The following MBNL2 variants were observed in gnomAD, a reference collection of about 807,000 sequenced individuals.
The protein encoded by MBNL2 is muscleblind-like protein 2.
A neutral mutation model predicts 41.9 loss-of-function variants in MBNL2; 17 were observed. The ratio of observed to expected loss-of-function variants is 0.41; its 90% confidence interval spans 0.28 to 0.61. The LOEUF is 0.61. Among genes scored for constraint, MBNL2 ranks in the 20% least tolerant of loss-of-function variants. MBNL2 has a pLI of 0.35. For missense variants in MBNL2, 336 were observed against 505.6 expected (o/e 0.66, Z 3.22); for synonymous variants, 195 against 182.9 (o/e 1.07, Z -0.53).
At chr13:97,267,187 C>T (rs1184616243) in intron 1 of MBNL2, among the ~76,000 whole-genome samples, 1 of 152,180 alleles carries the variant, frequency 6.6e-6, no homozygotes. Flanking sequence ...GGAGGGAGGT[C>T]GCCTCCTTGC....
chr13:97,338,763 C>T lies in MBNL2; in HGVS notation c.340-4253C>T, dbSNP rs568970784. On this transcript the variant is annotated intron_variant, in intron 3 of 8. Transcript: ENST00000679496. The stretch of plus-strand genomic sequence containing the variant: ...AGTCTTGCATGAGTCTTGTGCCCTC[C>T]GGAGCTGCTTCTGGCAGTAGAGGGA... Among the ~76,000 whole-genome samples the T allele has an allele frequency of 4.6e-5, 7 of 152,286 alleles. No individual in the cohort carries two copies. The South Asian group carries it at 1.2e-3, about 27-fold the overall frequency.
At chr13:97,339,223 GT>G (rs2061202458) in intron 3 of MBNL2, among the ~76,000 whole-genome samples, 1 of 134,206 alleles carries the variant, frequency 7.5e-6, no homozygotes, top group African/African-American at 3.5e-5. Flanking sequence ...GTATGGGAGT[GT>G]GTTGTGAATG....
intron 2 of MBNL2, among the ~76,000 whole-genome samples, chr13:97,307,900 C>T (rs2058266670): frequency 6.6e-6 from 1 of 152,204 alleles, no homozygotes. Context: ...AGTGCTGAGT[C>T]AAACGCTGTG....
At chr13:97,284,720 G>A (rs2054094481) in intron 2 of MBNL2, among the ~76,000 whole-genome samples, 1 of 152,180 alleles carries the variant, frequency 6.6e-6, no homozygotes, top group African/African-American at 2.4e-5. Context: ...GCAAGAGAGA[G>A]GAGGCTTGCA....
chr13:97,359,012 A>C (rs1275316274), intron 7 of MBNL2, among the ~76,000 whole-genome samples: 1 of 152,034 alleles, frequency 6.6e-6, no homozygotes, highest in African/African-American at 2.4e-5. Context: ...TTCTTATTTT[A>C]GTTTTGAACC....
chr13:97,225,984 A>G (rs1032953048), intron 1 of MBNL2, among the ~76,000 whole-genome samples: 1 of 151,834 alleles, frequency 6.6e-6, no homozygotes. Flanking sequence ...ATTAGTTAAC[A>G]TACTATTTTT....
At chr13:97,170,376 C>A in the MBNL2 span, among the ~76,000 whole-genome samples, 1 of 152,076 alleles carries the variant, frequency 6.6e-6, no homozygotes, top group African/African-American at 2.4e-5. Context: ...TTGTAACTGC[C>A]CAATTAGTTT....
intron 2 of MBNL2, among the ~76,000 whole-genome samples, chr13:97,306,464 C>G (rs775290629): frequency 3.9e-5 from 6 of 152,230 alleles, no homozygotes; most frequent in Non-Finnish European, 8.8e-5. Context: ...ATTTCTAGAG[C>G]CTTCCATTAC....
intron 1 of MBNL2, among the ~76,000 whole-genome samples, chr13:97,230,772 C>T (rs1311070685): frequency 1.3e-5 from 2 of 152,062 alleles, no homozygotes; most frequent in Non-Finnish European, 2.9e-5. Flanking sequence ...GAACTACTCT[C>T]CTGCACATAG....
At chr13:97,176,681 G>T in the MBNL2 span, among the ~76,000 whole-genome samples, 9 of 152,202 alleles carry the variant, frequency 5.9e-5, no homozygotes, top group Admixed American at 5.9e-4. Context: ...TCTAAAGAAT[G>T]CAAGTCTCAC....
chr13:97,356,715 G>T, intron 5 of MBNL2, 81 bp from the exon 6 acceptor site: 1 of 754,980 alleles, frequency 1.3e-6, no homozygotes, highest in Non-Finnish European at 2.1e-6. Context: ...ATGCACCTCT[G>T]CTTGCTGTTT....
intron 2 of MBNL2, among the ~76,000 whole-genome samples, chr13:97,315,157 T>G (rs1388784838): frequency 3.3e-5 from 5 of 152,226 alleles, no homozygotes; most frequent in Non-Finnish European, 7.3e-5. Flanking sequence ...AAAAAAAGCC[T>G]CCTATGTATA....
intron 5 of MBNL2, among the ~76,000 whole-genome samples, chr13:97,352,035 T>TATAAATAAATAAATAAATAAATAAATAA (rs146632066): frequency 6.7e-6 from 1 of 148,634 alleles, no homozygotes; most frequent in African/African-American, 2.5e-5. Context: ...AAAATAAAAA[T>TATAAATAAATAAATAAATAAATAAATAA]ATAAATAAAT....
the MBNL2 span, among the ~76,000 whole-genome samples, chr13:97,192,913 A>G: frequency 3.3e-5 from 5 of 152,352 alleles, no homozygotes; most frequent in South Asian, 1.0e-3. Flanking sequence ...CCAGCGGGTG[A>G]AAAATAGACG....
intron 1 of MBNL2, among the ~76,000 whole-genome samples, chr13:97,231,491 C>T (rs533406473): frequency 6.6e-6 from 1 of 152,236 alleles, no homozygotes; most frequent in Admixed American, 6.5e-5. Context: ...GATCTTCTGG[C>T]AGTCTGGAGA....
intron 1 of MBNL2, among the ~76,000 whole-genome samples, chr13:97,251,446 AC>A (rs1274484755): frequency 6.6e-6 from 1 of 152,154 alleles, no homozygotes; most frequent in Non-Finnish European, 1.5e-5. Flanking sequence ...CACTTTCTTA[AC>A]CCTGCTTTAA....
chr13:97,215,163 A>G, the MBNL2 span, among the ~76,000 whole-genome samples: 2 of 152,170 alleles, frequency 1.3e-5, no homozygotes, highest in Admixed American at 1.3e-4. Context: ...CCTCTCTGCG[A>G]CTTCAAATGC....
the MBNL2 span, among the ~76,000 whole-genome samples, chr13:97,182,303 C>G: frequency 1.3e-5 from 2 of 152,232 alleles, no homozygotes; most frequent in East Asian, 1.9e-4. Context: ...GAAGTCAAAG[C>G]AGCAGGTGGA....
At chr13:97,183,533 C>T in the MBNL2 span, among the ~76,000 whole-genome samples, 1 of 152,166 alleles carries the variant, frequency 6.6e-6, no homozygotes, top group Non-Finnish European at 1.5e-5. Context: ...GCCAAATACC[C>T]AAAGGGATCC....
Sources: gnomAD v4.1 joint callset for allele counts (sites outside exome capture counted in the v4.1 genomes callset) on GRCh38, gnomAD v4.1.1 for gene constraint, MANE v1.5 for transcripts, NCBI Gene and HGNC (gene_info 2026-07-23, HGNC 2026-07-21) for gene names.